Variants in SLC14A2 observed in about 807,000 individuals in gnomAD.
The protein encoded by SLC14A2 is solute carrier family 14 member 2.
In SLC14A2, 91 loss-of-function variants were observed where a neutral mutation model predicts 104.6. That is an observed-to-expected ratio of 0.87 (90% CI 0.73 to 1.04). SLC14A2 has a LOEUF of 1.04. Ranked by LOEUF, SLC14A2 falls within the 50% of genes least tolerant of loss-of-function variation. The pLI is 0.00. For missense variants in SLC14A2, 1,189 were observed against 1,156.0 expected (o/e 1.03, Z -0.41); for synonymous variants, 476 against 466.4 (o/e 1.02, Z -0.27).
At chr18:45,249,256 T>A (rs540500629) in intron 1 of SLC14A2, among the ~76,000 whole-genome samples, 1 of 152,012 alleles carries the variant, frequency 6.6e-6, no homozygotes, top group East Asian at 1.9e-4. Flanking sequence ...TATTATAAAA[T>A]TTTTTTTGCA....
intron 2 of SLC14A2, among the ~76,000 whole-genome samples, chr18:45,507,880 AG>A (rs1271901987): frequency 1.3e-5 from 2 of 152,222 alleles, no homozygotes; most frequent in East Asian, 3.8e-4. Flanking sequence ...AGGAATAAAT[AG>A]GAACTGTGAG....
intron 2 of SLC14A2, 26 bp from the exon 3 acceptor site, chr18:45,625,657 G>A (rs1292106620): frequency 6.6e-7 from 1 of 1,512,856 alleles, no homozygotes; most frequent in African/African-American, 1.4e-5. Context: ...TGTATCATTT[G>A]ATGTCTGGTT....
intron 1 of SLC14A2, 102 bp from the exon 2 acceptor site, chr18:45,624,519 CGTGTGTCACT>C: frequency 1.6e-6 from 1 of 629,874 alleles, no homozygotes; most frequent in Non-Finnish European, 2.6e-6. Flanking sequence ...GTAGATCCCA[CGTGTGTCACT>C]GTCCAACCCC....
intron 1 of SLC14A2, among the ~76,000 whole-genome samples, chr18:45,411,773 T>C (rs1467197588): frequency 2.0e-5 from 3 of 151,970 alleles, no homozygotes; most frequent in Admixed American, 2.0e-4. Flanking sequence ...TGCTTGACCT[T>C]AGAGATGAGG....
At chr18:45,505,925 A>G (rs2043276599) in intron 2 of SLC14A2, among the ~76,000 whole-genome samples, 1 of 151,194 alleles carries the variant, frequency 6.6e-6, no homozygotes. Context: ...TCTGATGTGG[A>G]TTTCTCTCCG....
At chr18:45,414,063 A>G (rs1598775080) in intron 1 of SLC14A2, among the ~76,000 whole-genome samples, 1 of 152,378 alleles carries the variant, frequency 6.6e-6, no homozygotes, top group East Asian at 1.9e-4. Context: ...CCAAATAGGG[A>G]CATGAATCAT....
At chr18:45,609,338 C>G (rs1195331601) in intron 2 of SLC14A2, among the ~76,000 whole-genome samples, 1 of 145,664 alleles carries the variant, frequency 6.9e-6, no homozygotes, top group Non-Finnish European at 1.5e-5. Flanking sequence ...TCCTTTCACT[C>G]TTTCATTCCT....
At chr18:45,581,890 T>C (rs1203547109) in intron 2 of SLC14A2, among the ~76,000 whole-genome samples, 5 of 150,936 alleles carry the variant, frequency 3.3e-5, no homozygotes, top group Admixed American at 1.3e-4. Context: ...CATTTCCCCA[T>C]TGTGTGCTCA....
At chr18:45,603,940 T>C (rs569526704) in intron 2 of SLC14A2, among the ~76,000 whole-genome samples, 1 of 152,340 alleles carries the variant, frequency 6.6e-6, no homozygotes, top group African/African-American at 2.4e-5. Context: ...CAGTCTTACT[T>C]AGAGAACCAG....
the SLC14A2 span, among the ~76,000 whole-genome samples, chr18:45,178,303 C>G: frequency 5.1e-4 from 77 of 151,846 alleles, no homozygotes; most frequent in Middle Eastern, 3.4e-3. Flanking sequence ...AGAATTCAGT[C>G]TACATAAAAG....
chr18:45,594,515 C>G (rs2044695358), intron 2 of SLC14A2, among the ~76,000 whole-genome samples: 1 of 152,258 alleles, frequency 6.6e-6, no homozygotes, highest in African/African-American at 2.4e-5. Context: ...GCTTGTCCCT[C>G]TCTCTCTGAT....
intron 1 of SLC14A2, among the ~76,000 whole-genome samples, chr18:45,232,383 A>G (rs1341753520): frequency 6.6e-6 from 1 of 152,204 alleles, no homozygotes; most frequent in Non-Finnish European, 1.5e-5. Flanking sequence ...GTCCATCCCC[A>G]TGATCCAGTC....
At chr18:45,300,599 T>C (rs544568739) in intron 1 of SLC14A2, among the ~76,000 whole-genome samples, 9 of 152,338 alleles carry the variant, frequency 5.9e-5, no homozygotes, top group Middle Eastern at 3.4e-3. Context: ...GTGAAGTTTT[T>C]TAAAAAGCAC....
intron 1 of SLC14A2, among the ~76,000 whole-genome samples, chr18:45,400,182 GT>G (rs1446245611): frequency 1.3e-5 from 2 of 152,112 alleles, no homozygotes; most frequent in Admixed American, 1.3e-4. Flanking sequence ...CTCCATTGAT[GT>G]TTTTTTACAG....
chr18:45,238,874 A>G (rs2084283072), intron 1 of SLC14A2, among the ~76,000 whole-genome samples: 1 of 152,178 alleles, frequency 6.6e-6, no homozygotes, highest in Admixed American at 6.5e-5. Context: ...ATACTCAAAA[A>G]TTAATACCTA....
At chr18:45,412,075 C>T (rs1337561344) in intron 1 of SLC14A2, among the ~76,000 whole-genome samples, 1 of 152,146 alleles carries the variant, frequency 6.6e-6, no homozygotes, top group African/African-American at 2.4e-5. Flanking sequence ...CCCCTAAAAG[C>T]AGGAACCAAG....
chr18:45,450,856 G>A (rs980297900), intron 1 of SLC14A2, among the ~76,000 whole-genome samples: 3 of 152,222 alleles, frequency 2.0e-5, no homozygotes, highest in Non-Finnish European at 4.4e-5. Context: ...GGGGAAGGTA[G>A]TATGAGGAGA....
intron 2 of SLC14A2, among the ~76,000 whole-genome samples, chr18:45,566,901 T>C (rs1307209613): frequency 6.6e-6 from 1 of 152,138 alleles, no homozygotes; most frequent in African/African-American, 2.4e-5. Flanking sequence ...CGTGTGCTTG[T>C]ATGTGTTTAA....
intron 1 of SLC14A2, among the ~76,000 whole-genome samples, chr18:45,291,737 TCC>T (rs1363544102): frequency 6.9e-6 from 1 of 145,416 alleles, no homozygotes; most frequent in South Asian, 2.2e-4. Flanking sequence ...CAAGAATGAA[TCC>T]CCCCTCAGCA....
Sources: gnomAD v4.1 joint callset for allele counts (sites outside exome capture counted in the v4.1 genomes callset) on GRCh38, gnomAD v4.1.1 for gene constraint, MANE v1.5 for transcripts, NCBI Gene and HGNC (gene_info 2026-07-23, HGNC 2026-07-21) for gene names.